CCDC74B: variants seen among roughly 807,000 people sequenced by gnomAD.
CCDC74B encodes coiled-coil domain-containing protein 74B.
Under a neutral mutation model 38.0 loss-of-function variants are expected in CCDC74B, and 34 were observed. That is an observed-to-expected ratio of 0.89 (90% CI 0.68 to 1.19). The LOEUF (loss-of-function observed/expected upper bound fraction) is 1.19, where lower values mean the gene tolerates loss of function less well. Among genes scored for constraint, CCDC74B ranks in the 50% most tolerant of loss-of-function variants. The probability of loss-of-function intolerance (pLI) is 0.00; values close to 1 mark genes in which losing one functional copy is unlikely to be tolerated. For synonymous variants in CCDC74B, 132 were observed against 170.4 expected (o/e 0.77, Z 1.76); for missense variants, 358 against 406.0 (o/e 0.88, Z 1.02).
intron 4 of CCDC74B, 65 bp from the exon 5 acceptor site, chr2:130,140,436 T>C: frequency 6.7e-7 from 1 of 1,492,206 alleles, no homozygotes; most frequent in Admixed American, 2.3e-5. Flanking sequence ...CCACCCAGCA[T>C]ACCTCCCCAG....
At position 130,140,097 on chromosome 2, in the gene CCDC74B, C is replaced by T. The variant is rs1333725996; in HGVS notation, c.679-1G>A. On this transcript the variant is annotated splice_acceptor_variant, in intron 5 of 7. Transcript: ENST00000409943. LOFTEE classifies it high-confidence loss of function. ...CCAGGAGGGACTTGAGGTGCTGCAG[C>T]TGAAAGGCAGGGGCAGGGGCGTGGT... 28 of 1,612,990 alleles carry T rather than the reference C, an allele frequency of 1.7e-5. No individual in the cohort carries two copies. Among genetic ancestry groups the T allele is most frequent in the Non-Finnish European group, 2.3e-5 (27 of 1,179,820 alleles).
Position 130,139,936 on chromosome 2 carries a change from G to A in CCDC74B, c.764C>T (p.Ala255Val), listed in dbSNP as rs371159646. ...EEASFPRDQE[A>V]THFPKVSTKS... ...GGTGGAGACCTTGGGGAAATGCGTG[G>A]CTTCTTGGTCCCTGGGTGAAGGAAG... Residue 255 changes from alanine (A) to valine (V), a missense_variant, in exon 7 of 8, where the codon GCC becomes GTC. Around this residue, in one of 3 missense-constraint regions of CCDC74B, gnomAD observed 213 missense variants for 212.3 expected, o/e 1.00. Transcript: ENST00000409943. 1.2e-6 allele frequency: 2 copies of A among 1,612,050 alleles called. No homozygotes were observed. Among genetic ancestry groups the A allele is most frequent in the African/African-American group, 2.7e-5 (2 of 74,838 alleles).
intron 4 of CCDC74B, 175 bp from the exon 5 acceptor site, chr2:130,140,546 T>C: frequency 4.5e-6 from 3 of 672,340 alleles, no homozygotes; most frequent in South Asian, 4.1e-5. Context: ...CTGGGGCCTG[T>C]CCCTTTCTCC....
In CCDC74B at chr2:130,144,161, A is replaced by G. The variant is rs192376176; in HGVS notation, c.250+586T>C. Among the ~76,000 whole-genome samples the G allele has an allele frequency of 3.0e-3, 456 of 152,020 alleles. 3 individuals carry two copies. Among genetic ancestry groups the G allele is most frequent in the African/African-American group, 0.01 (417 of 41,428 alleles). On this transcript the variant is annotated intron_variant, in intron 1 of 7. Coordinates refer to ENST00000409943, the MANE Select transcript of CCDC74B (RefSeq NM_001258307.2). ...TTTGTTTGTTTTTGTTTTTTTTGAG[A>G]CGGAGTCTCGCTCTGTCACCGAGGC...
At position 130,139,765 on chromosome 2, in the gene CCDC74B, C is replaced by T. The variant is rs970776830; in HGVS notation, c.810-75G>A. On this transcript the variant is annotated intron_variant, in intron 7 of 7. Coordinates refer to ENST00000409943, the MANE Select transcript of CCDC74B (RefSeq NM_001258307.2). ...TGTGTGGGGAGTGCGGCCTGCATGG[C>T]CCTCACGGGGGCACAGAGAGGCCTC... 17 of 1,606,562 alleles carry T rather than the reference C, an allele frequency of 1.1e-5. 1 individual carries two copies. The highest frequency in any genetic ancestry group is 1.9e-4 in the Middle Eastern group (1 of 5,330).
chr2:130,140,412 G>A (rs750622970), intron 4 of CCDC74B, 41 bp from the exon 5 acceptor site: 26 of 1,513,836 alleles, frequency 1.7e-5, no homozygotes, highest in Middle Eastern at 2.4e-4. Context: ...ACCTGCCCAG[G>A]TGCGTCTAAC....
Position 130,141,719 on chromosome 2 carries a change from G to C in CCDC74B, c.346+414C>G, listed in dbSNP as rs548506900. On this transcript the variant is annotated intron_variant, in intron 3 of 7. Coordinates refer to ENST00000409943, the MANE Select transcript of CCDC74B (RefSeq NM_001258307.2). ...GGGGAAAAGAGGCTCTCTGCTCCCAGTTCACTCTGCAGAAGGTGCCATGAG... is the reference window on the plus strand; with the variant it reads ...GGGGAAAAGAGGCTCTCTGCTCCCACTTCACTCTGCAGAAGGTGCCATGAG... 24 of 376,174 alleles carry C rather than the reference G, an allele frequency of 6.4e-5. 1 individual carries two copies. The highest frequency in any genetic ancestry group is 4.3e-4 in the African/African-American group (20 of 47,048). The allele number at this position is 376,174 out of a possible 1,614,324, so 23.3% of individuals were successfully genotyped here.
rs375204597 is a variant in CCDC74B at position 130,140,311 on chromosome 2, C to G, written c.546G>C (p.Gln182His). The G allele has an allele frequency of 3.2e-5, 51 of 1,611,658 alleles. No homozygotes were observed. Among genetic ancestry groups the G allele is most frequent in the South Asian group, 4.4e-5 (4 of 90,702 alleles). ...GAACMGNSQHQGRQMGAAAHP... is the reference protein window; with the variant it reads ...GAACMGNSQHHGRQMGAAAHP... ...GTGCCGCCGCCCCCATCTGCCTGCC[C>G]TGGTGCTGGCTGTTCCCCATACAGG... Residue 182 changes from glutamine to histidine, a missense_variant, in exon 5 of 8, where the codon CAG becomes CAC. Physicochemically the swap from Gln to His is conservative, Grantham distance 24. Coordinates refer to ENST00000409943, the MANE Select transcript of CCDC74B (RefSeq NM_001258307.2).
intron 7 of CCDC74B, 82 bp from the exon 8 acceptor site, chr2:130,139,772 G>A (rs1333979944): frequency 1.1e-5 from 17 of 1,606,602 alleles, no homozygotes; most frequent in Middle Eastern, 1.9e-4. Context: ...TGGCCCTCAC[G>A]GGGGCACAGA....
At position 130,140,095 on chromosome 2, in the gene CCDC74B, A is replaced by T; in HGVS notation, c.680T>A (p.Leu227Gln). Reference protein sequence around the residue: ...WNTNLLQTQELQHLKSLLEGS... With the variant: ...WNTNLLQTQEQQHLKSLLEGS... The stretch of plus-strand genomic sequence containing the variant: ...TTCCAGGAGGGACTTGAGGTGCTGC[A>T]GCTGAAAGGCAGGGGCAGGGGCGTG... Residue 227 changes from leucine (L) to glutamine (Q), a missense_variant and splice_region_variant, in exon 6 of 8, where the codon CTG becomes CAG. Coordinates refer to ENST00000409943, the MANE Select transcript of CCDC74B (RefSeq NM_001258307.2). 1 of 1,613,092 alleles carries T rather than the reference A, an allele frequency of 6.2e-7. No homozygotes were observed. Among genetic ancestry groups the T allele is most frequent in the Non-Finnish European group, 8.5e-7 (1 of 1,179,806 alleles).
intron 1 of CCDC74B, among the ~76,000 whole-genome samples, chr2:130,143,754 T>G (rs1403141451): frequency 6.6e-6 from 1 of 151,888 alleles, no homozygotes; most frequent in African/African-American, 2.4e-5. Flanking sequence ...AACAGACGCC[T>G]GGTGATGGGA....
intron 2 of CCDC74B, chr2:130,142,612 GC>G (rs1208136728): frequency 6.5e-7 from 1 of 1,545,500 alleles, no homozygotes; most frequent in Non-Finnish European, 8.7e-7. Context: ...CACTGCCCCA[GC>G]TACGATGTTC....
In CCDC74B at chr2:130,139,490, A is replaced by G. The variant is rs181554754; in HGVS notation, c.*65T>C. On this transcript the variant is annotated 3_prime_UTR_variant, in exon 8 of 8. Coordinates refer to ENST00000409943, the MANE Select transcript of CCDC74B (RefSeq NM_001258307.2). ...CTAAAAGTAGCGGAAGTGTCAGGAA[A>G]TGCTATAGAGAGCCAATCTCCAGCT... is the stretch of plus-strand genomic sequence containing the variant. The G allele has an allele frequency of 1.4e-4, 220 of 1,579,802 alleles. 2 individuals carry two copies. The African/African-American group carries it at 2.6e-3, about 19-fold the overall frequency.
chr2:130,143,835 G>T (rs1685836757), intron 1 of CCDC74B, among the ~76,000 whole-genome samples: 1 of 151,844 alleles, frequency 6.6e-6, no homozygotes, highest in African/African-American at 2.4e-5. Flanking sequence ...TGGTGCCCTT[G>T]CTGGAGCCCT....
rs1242583397 is a variant in CCDC74B at position 130,140,295 on chromosome 2, C to T, written c.562G>A (p.Ala188Thr). ...NSQHQGRQMGAAAHPPMILPL... is the reference protein window; with the variant it reads ...NSQHQGRQMGTAAHPPMILPL... ...AGGATCATTGGGGGGTGTGCCGCCG[C>T]CCCCATCTGCCTGCCCTGGTGCTGG... is the stretch of plus-strand genomic sequence containing the variant. The change falls in exon 5 of 8, where the codon GCG (alanine) becomes ACG (threonine). Residue 188 changes from alanine (A) to threonine (T), a missense_variant. By Grantham distance (58) the Ala-to-Thr change is moderately conservative. Transcript: ENST00000409943. 1.2e-6 allele frequency: 2 copies of T among 1,612,952 alleles called. No individual in the cohort carries two copies. The highest frequency in any genetic ancestry group is 1.3e-5 in the African/African-American group (1 of 75,024).
Position 130,143,529 on chromosome 2 carries a change from T to G in CCDC74B, c.251-216A>C, listed in dbSNP as rs564314352. ...GCCTGTTCCCTAGGCAGAGCCCACC[T>G]GGCATATCAGCCTCATCCATCTGAG... On this transcript the variant is annotated intron_variant, in intron 1 of 7. Coordinates refer to ENST00000409943, the MANE Select transcript of CCDC74B (RefSeq NM_001258307.2). Among the ~76,000 whole-genome samples, 207 of 152,324 alleles carry G rather than the reference T, an allele frequency of 1.4e-3. 1 individual carries two copies. Among genetic ancestry groups the G allele is most frequent in the Admixed American group, 6.8e-3 (104 of 15,306 alleles).
intron 1 of CCDC74B, among the ~76,000 whole-genome samples, chr2:130,143,848 T>A (rs1196663701): frequency 1.3e-5 from 2 of 148,466 alleles, no homozygotes; most frequent in African/African-American, 5.0e-5. Context: ...GGAGCCCTCC[T>A]GAAGCAAGAG....
intron 2 of CCDC74B, chr2:130,142,761 G>A: frequency 6.5e-7 from 1 of 1,549,172 alleles, no homozygotes; most frequent in Non-Finnish European, 8.7e-7. Flanking sequence ...GAAGTGCCTT[G>A]GACAAGTGGC....
rs182759491 is a variant in CCDC74B at position 130,140,995 on chromosome 2, G to A, written c.485+163C>T. ...GCCCACCGATGGGTAGAGCGTGGCC[G>A]TCATCTGCTATCATGAGCCCTGGAG... On this transcript the variant is annotated intron_variant, in intron 4 of 7. Transcript: ENST00000409943. 8,995 of 1,254,828 alleles carry A rather than the reference G, an allele frequency of 7.2e-3. 120 individuals are homozygous for A. In the African/African-American group the frequency reaches 0.13, roughly 18 times the overall value. 77.7% of individuals were successfully genotyped at this position (1,254,828 alleles called of 1,614,324 possible).
Sources: gnomAD v4.1 joint callset for allele counts (sites outside exome capture counted in the v4.1 genomes callset) on GRCh38, gnomAD v4.1.1 for gene constraint, gnomAD v4.1.1 regional missense constraint, MANE v1.5 for transcripts, NCBI Gene and HGNC (gene_info 2026-07-23, HGNC 2026-07-21) for gene names.